The following TNKS variants were observed in gnomAD, a reference collection of about 807,000 sequenced individuals.
TNKS encodes tankyrase.
TNKS carries 72 observed loss-of-function variants against 135.8 expected under a neutral mutation model. The ratio of observed to expected loss-of-function variants is 0.53; its 90% CI spans 0.44 to 0.64. The LOEUF (loss-of-function observed/expected upper bound fraction) is 0.64. Among genes scored for constraint, TNKS ranks in the 30% least tolerant of loss-of-function variants. TNKS has a pLI of 0.00. For missense variants in TNKS, 1,769 were observed against 1,674.0 expected (o/e 1.06, Z -0.99); for synonymous variants, 849 against 649.3 (o/e 1.31, Z -4.68).
At chr8:9,664,302 G>A (rs1284627610) in intron 3 of TNKS, among the ~76,000 whole-genome samples, 8 of 152,098 alleles carry the variant, frequency 5.3e-5, no homozygotes, top group Admixed American at 4.6e-4. Flanking sequence ...GTGATGGAGA[G>A]GGAGGTGCCA....
chr8:9,571,333 A>T (rs576007656), intron 1 of TNKS, among the ~76,000 whole-genome samples: 1 of 152,254 alleles, frequency 6.6e-6, no homozygotes, highest in Non-Finnish European at 1.5e-5. Flanking sequence ...TCGCTTTGGT[A>T]ATCGTCTTAG....
rs377442646 is a variant in TNKS, at chr8:9,704,727, A to G, written c.1172A>G (p.His391Arg). 2.5e-6 allele frequency: 4 copies of G among 1,613,274 alleles called. No homozygotes were observed. The highest frequency in any genetic ancestry group is 3.4e-6 in the Non-Finnish European group (4 of 1,179,494). Residue 391 changes from histidine (H) to arginine (R), a missense_variant, in exon 6 of 27, where the codon CAT becomes CGT. His to Arg is a conservative substitution (Grantham distance 29). Around this residue, in one of 5 missense-constraint regions of TNKS, gnomAD observed 523 missense variants for 541.0 expected, o/e 0.97. Coordinates refer to ENST00000310430, the MANE Select transcript of TNKS (RefSeq NM_003747.3). ...RVRIVQLLLQHGADVHAKDKG... is the reference protein window; with the variant it reads ...RVRIVQLLLQRGADVHAKDKG... ...CGAATAGTTCAGCTTCTTCTTCAGCATGGTGCTGATGTTCATGCAAAAGAC... is the reference window on the plus strand; with the variant it reads ...CGAATAGTTCAGCTTCTTCTTCAGCGTGGTGCTGATGTTCATGCAAAAGAC...
At chr8:9,693,536 A>G (rs1415445303) in intron 5 of TNKS, among the ~76,000 whole-genome samples, 2 of 152,172 alleles carry the variant, frequency 1.3e-5, no homozygotes, top group Non-Finnish European at 2.9e-5. Flanking sequence ...TGGTAATTTT[A>G]TAATTTAAAA....
chr8:9,599,634 T>C (rs894147478), intron 2 of TNKS, among the ~76,000 whole-genome samples: 2 of 152,186 alleles, frequency 1.3e-5, no homozygotes, highest in African/African-American at 4.8e-5. Context: ...AATAAATTGT[T>C]ATGTGAGCAG....
intron 1 of TNKS, among the ~76,000 whole-genome samples, chr8:9,567,292 G>T (rs1466893450): frequency 6.6e-6 from 1 of 152,212 alleles, no homozygotes; most frequent in Non-Finnish European, 1.5e-5. Flanking sequence ...AGAATGTTGG[G>T]ACTATCTGGT....
intron 2 of TNKS, among the ~76,000 whole-genome samples, chr8:9,595,747 C>T (rs1178822506): frequency 6.6e-6 from 1 of 152,032 alleles, no homozygotes; most frequent in African/African-American, 2.4e-5. Flanking sequence ...ACTTAATGCC[C>T]AGGTCTGTCT....
chr8:9,776,559 G>A (rs533491386), intron 26 of TNKS, 91 bp from the exon 27 acceptor site: 50 of 1,214,648 alleles, frequency 4.1e-5, no homozygotes, highest in Middle Eastern at 4.3e-4. Context: ...TATTGGTCAC[G>A]ATTAACAGCC....
intron 2 of TNKS, among the ~76,000 whole-genome samples, chr8:9,609,083 T>G (rs797014476): frequency 6.6e-6 from 1 of 152,336 alleles, no homozygotes; most frequent in African/African-American, 2.4e-5. Flanking sequence ...TTTTTATAGT[T>G]TCATCTTTTT....
chr8:9,612,010 C>T (rs769271673), intron 2 of TNKS, among the ~76,000 whole-genome samples: 15 of 151,944 alleles, frequency 9.9e-5, no homozygotes, highest in Non-Finnish European at 1.3e-4. Context: ...TATTTTAGAT[C>T]GTAATGCTTC....
chr8:9,665,078 C>T (rs1368312953), intron 3 of TNKS, among the ~76,000 whole-genome samples: 1 of 152,262 alleles, frequency 6.6e-6, no homozygotes, highest in Non-Finnish European at 1.5e-5. Context: ...CTTTCCTATA[C>T]TCACCACCTA....
intron 20 of TNKS, 132 bp downstream of exon 20, chr8:9,752,758 C>T: frequency 1.8e-6 from 1 of 544,502 alleles, no homozygotes; most frequent in Non-Finnish European, 3.1e-6. Context: ...AGTTTGAGAC[C>T]AGCCTGGGCA....
At chr8:9,685,853 G>C (rs893494720) in intron 5 of TNKS, among the ~76,000 whole-genome samples, 1 of 152,164 alleles carries the variant, frequency 6.6e-6, no homozygotes, top group African/African-American at 2.4e-5. Flanking sequence ...TGAAGAACAA[G>C]AAAGATGGAG....
intron 2 of TNKS, among the ~76,000 whole-genome samples, chr8:9,594,033 C>A (rs551862584): frequency 6.6e-6 from 1 of 152,182 alleles, no homozygotes; most frequent in African/African-American, 2.4e-5. Context: ...ACTGTAGGAA[C>A]CCGCCACCAC....
chr8:9,639,279 T>A (rs1266455293), intron 3 of TNKS, among the ~76,000 whole-genome samples: 1 of 152,150 alleles, frequency 6.6e-6, no homozygotes, highest in East Asian at 1.9e-4. Flanking sequence ...GAAAACCAAT[T>A]AAGCTTTGAA....
At chr8:9,693,330 G>C (rs1803365061) in intron 5 of TNKS, among the ~76,000 whole-genome samples, 1 of 151,732 alleles carries the variant, frequency 6.6e-6, no homozygotes, top group African/African-American at 2.4e-5. Flanking sequence ...ATTTGTGTGG[G>C]AAAAAACAGC....
intron 20 of TNKS, 84 bp downstream of exon 20, chr8:9,752,710 C>T (rs1806610742): frequency 1.1e-6 from 1 of 921,744 alleles, no homozygotes; most frequent in African/African-American, 1.7e-5. Context: ...TTACTCCCAA[C>T]ACTTTGGAAT....
At chr8:9,723,124 T>C (rs1264486891) in intron 12 of TNKS, among the ~76,000 whole-genome samples, 1 of 149,744 alleles carries the variant, frequency 6.7e-6, no homozygotes, top group Non-Finnish European at 1.5e-5. Flanking sequence ...AAATAAAAAA[T>C]ATATATAGGA....
chr8:9,683,862 A>C (rs1802880036), intron 5 of TNKS, among the ~76,000 whole-genome samples: 1 of 151,942 alleles, frequency 6.6e-6, no homozygotes, highest in Non-Finnish European at 1.5e-5. Context: ...AACATCAATA[A>C]GGTTTTATAC....
intron 26 of TNKS, among the ~76,000 whole-genome samples, chr8:9,772,921 A>G (rs1322721265): frequency 6.8e-6 from 1 of 148,118 alleles, no homozygotes; most frequent in Admixed American, 6.9e-5. Context: ...GGCAAATGAT[A>G]AAGCAAATGA....
Sources: gnomAD v4.1 joint callset for allele counts (sites outside exome capture counted in the v4.1 genomes callset) on GRCh38, gnomAD v4.1.1 for gene constraint, gnomAD v4.1.1 regional missense constraint, MANE v1.5 for transcripts, NCBI Gene and HGNC (gene_info 2026-07-23, HGNC 2026-07-21) for gene names.